The following PABPC4L variants were observed in gnomAD, a reference collection of about 807,000 sequenced individuals.
PABPC4L encodes the protein poly(A) binding protein cytoplasmic 4 like, also known as polyadenylate-binding protein 4-like.
For missense variants in PABPC4L, 452 were observed against 451.4 expected (o/e 1.00, Z -0.01); for synonymous variants, 169 against 164.1 (o/e 1.03, Z -0.23).
the PABPC4L span, among the ~76,000 whole-genome samples, chr4:134,014,469 A>G: frequency 6.6e-6 from 1 of 152,162 alleles, no homozygotes. Context: ...TCTGGCCACC[A>G]GGCCAAGGAA....
the PABPC4L span, among the ~76,000 whole-genome samples, chr4:134,145,829 C>T: frequency 6.6e-6 from 1 of 151,978 alleles, no homozygotes; most frequent in South Asian, 2.1e-4. Context: ...ATATTCATTA[C>T]ACCCACTATA....
the PABPC4L span, among the ~76,000 whole-genome samples, chr4:133,969,880 G>C: frequency 6.6e-6 from 1 of 151,872 alleles, no homozygotes; most frequent in African/African-American, 2.4e-5. Context: ...TCTTTTGAAT[G>C]CAGGTTTCTG....
At chr4:134,124,140 C>T in the PABPC4L span, among the ~76,000 whole-genome samples, 1 of 151,976 alleles carries the variant, frequency 6.6e-6, no homozygotes, top group Admixed American at 6.6e-5. Flanking sequence ...TGAGGTTATA[C>T]CTGTAATAAG....
chr4:134,133,522 G>A, the PABPC4L span, among the ~76,000 whole-genome samples: 1 of 149,554 alleles, frequency 6.7e-6, no homozygotes, highest in Non-Finnish European at 1.5e-5. Context: ...TGAAATAATG[G>A]CATTTGCAGC....
chr4:134,068,043 TC>T, the PABPC4L span, among the ~76,000 whole-genome samples: 1 of 152,148 alleles, frequency 6.6e-6, no homozygotes, highest in Non-Finnish European at 1.5e-5. Flanking sequence ...GTCCATTTGG[TC>T]AAGTGTTGAG....
chr4:134,010,456 CA>C, the PABPC4L span, among the ~76,000 whole-genome samples: 1 of 151,998 alleles, frequency 6.6e-6, no homozygotes, highest in Non-Finnish European at 1.5e-5. Flanking sequence ...TTTTATTAGT[CA>C]AAATAATTAA....
At chr4:133,989,115 C>T in the PABPC4L span, among the ~76,000 whole-genome samples, 1 of 151,994 alleles carries the variant, frequency 6.6e-6, no homozygotes, top group Non-Finnish European at 1.5e-5. Context: ...CATTTTTTTT[C>T]CTCCTAGGCC....
chr4:134,009,329 T>C, the PABPC4L span, among the ~76,000 whole-genome samples: 1 of 151,994 alleles, frequency 6.6e-6, no homozygotes, highest in Non-Finnish European at 1.5e-5. Flanking sequence ...TCATAATATT[T>C]ACACATTTTA....
At chr4:134,173,661 T>G in the PABPC4L span, among the ~76,000 whole-genome samples, 1 of 152,042 alleles carries the variant, frequency 6.6e-6, no homozygotes, top group Non-Finnish European at 1.5e-5. Flanking sequence ...ATAAGACAAC[T>G]ATAGTTAACA....
At chr4:134,091,044 A>G in the PABPC4L span, among the ~76,000 whole-genome samples, 1 of 152,002 alleles carries the variant, frequency 6.6e-6, no homozygotes, top group Non-Finnish European at 1.5e-5. Context: ...TAAGAAAAAA[A>G]ATGTGTGTTT....
the PABPC4L span, among the ~76,000 whole-genome samples, chr4:134,155,145 A>G: frequency 5.9e-3 from 896 of 152,232 alleles, 11 homozygotes; most frequent in African/African-American, 0.02. Flanking sequence ...TACATTTCAA[A>G]GAAAGCAAAA....
chr4:134,142,180 G>A, the PABPC4L span, among the ~76,000 whole-genome samples: 2 of 151,564 alleles, frequency 1.3e-5, no homozygotes, highest in Non-Finnish European at 3.0e-5. Context: ...AGTAGTTCTT[G>A]GGCAGTAGCA....
At chr4:133,996,731 C>G in the PABPC4L span, among the ~76,000 whole-genome samples, 2 of 152,098 alleles carry the variant, frequency 1.3e-5, no homozygotes, top group African/African-American at 4.8e-5. Context: ...CCTGACAGCC[C>G]AGGTAGGGGA....
chr4:134,188,276 T>C, the PABPC4L span, among the ~76,000 whole-genome samples: 2 of 152,298 alleles, frequency 1.3e-5, no homozygotes, highest in South Asian at 2.1e-4. Context: ...GCCCAGTTCA[T>C]GATCATACAT....
chr4:133,973,254 A>G, the PABPC4L span, among the ~76,000 whole-genome samples: 2 of 151,674 alleles, frequency 1.3e-5, no homozygotes, highest in Non-Finnish European at 2.9e-5. Flanking sequence ...TTCTAAAAAC[A>G]AACAAAGAAA....
At chr4:134,051,804 G>A in the PABPC4L span, among the ~76,000 whole-genome samples, 1 of 151,964 alleles carries the variant, frequency 6.6e-6, no homozygotes, top group Non-Finnish European at 1.5e-5. Context: ...ATTTAATTTT[G>A]TTAGCTGATG....
the PABPC4L span, among the ~76,000 whole-genome samples, chr4:134,043,904 ATGTG>A: frequency 3.6e-4 from 53 of 147,534 alleles, 1 homozygote; most frequent in Admixed American, 1.1e-3. Context: ...CTGTATATAT[ATGTG>A]TGTGTGTGTG....
chr4:134,034,531 A>C, the PABPC4L span, among the ~76,000 whole-genome samples: 1 of 152,024 alleles, frequency 6.6e-6, no homozygotes, highest in Non-Finnish European at 1.5e-5. Context: ...TTATAATTCT[A>C]GATGCTATTA....
the PABPC4L span, among the ~76,000 whole-genome samples, chr4:134,073,291 G>A: frequency 6.6e-6 from 1 of 152,102 alleles, no homozygotes; most frequent in Non-Finnish European, 1.5e-5. Flanking sequence ...GGGGCTATAG[G>A]CCCCATGCAA....
Sources: gnomAD v4.1 joint callset for allele counts (sites outside exome capture counted in the v4.1 genomes callset) on GRCh38, gnomAD v4.1.1 for gene constraint, MANE v1.5 for transcripts, NCBI Gene and HGNC (gene_info 2026-07-23, HGNC 2026-07-21) for gene names.